Variants in ZNF827 observed in about 807,000 individuals in gnomAD.
ZNF827 encodes the protein zinc finger protein 827.
A neutral mutation model predicts 102.4 loss-of-function variants in ZNF827; 13 were observed. The ratio of observed to expected loss-of-function variants is 0.13; its 90% CI spans 0.08 to 0.20. ZNF827 has a LOEUF of 0.20. Among genes scored for constraint, ZNF827 ranks in the 10% least tolerant of loss-of-function variants. The pLI is 1.00. For missense variants in ZNF827, 1,103 were observed against 1,344.4 expected, an observed-to-expected ratio of 0.82 and a Z score of 2.81; for synonymous variants, 523 against 536.2, an observed-to-expected ratio of 0.98 and a Z score of 0.34.
At position 145,775,890 on chromosome 4, in the gene ZNF827, C is replaced by T; in HGVS notation, c.2592G>A (p.Leu864=). ...AKCRANLNQH[L]TVHSVKLVST... ...TCACCAGCTTCACGGAATGGACGGT[C>T]AAGTGCTGGTTCAGATTTGCACGGC... The change falls in exon 10 of 15, where the codon TTG becomes TTA. Residue 864 remains leucine (L), a synonymous_variant. Transcript: ENST00000508784. 7 of 1,614,156 alleles carry T rather than the reference C, an allele frequency of 4.3e-6. No homozygotes were observed. The highest frequency in any genetic ancestry group is 5.9e-6 in the Non-Finnish European group (7 of 1,180,030).
chr4:145,922,985 A>T (rs752462877), intron 1 of ZNF827, among the ~76,000 whole-genome samples: 1 of 151,948 alleles, frequency 6.6e-6, no homozygotes, highest in African/African-American at 2.4e-5. Flanking sequence ...TGATATTAAT[A>T]TTTTTTTTAT....
chr4:145,768,326 G>A (rs1417617620), intron 11 of ZNF827, among the ~76,000 whole-genome samples: 1 of 152,048 alleles, frequency 6.6e-6, no homozygotes, highest in Non-Finnish European at 1.5e-5. Flanking sequence ...CATCATGCCT[G>A]GCTAATTTTT....
chr4:145,822,380 C>A, intron 8 of ZNF827, among the ~76,000 whole-genome samples: 1 of 151,850 alleles, frequency 6.6e-6, no homozygotes, highest in Non-Finnish European at 1.5e-5. Flanking sequence ...TTCCAATGAC[C>A]TGTGATACCC....
intron 8 of ZNF827, among the ~76,000 whole-genome samples, chr4:145,792,531 TA>T (rs1739850098): frequency 1.4e-5 from 2 of 141,784 alleles, no homozygotes; most frequent in South Asian, 5.1e-4. Flanking sequence ...AATAGATATA[TA>T]ATTTTTTTTT....
At chr4:145,804,357 T>C (rs1223743918) in intron 8 of ZNF827, among the ~76,000 whole-genome samples, 3 of 152,152 alleles carry the variant, frequency 2.0e-5, no homozygotes, top group African/African-American at 7.2e-5. Context: ...CTGAAACATA[T>C]TATCTCACTC....
At chr4:145,882,341 A>G (rs1749738738) in intron 4 of ZNF827, among the ~76,000 whole-genome samples, 2 of 152,210 alleles carry the variant, frequency 1.3e-5, no homozygotes, top group African/African-American at 4.8e-5. Context: ...AAAGCTGCCC[A>G]TACTATTCCC....
chr4:145,888,876 C>T (rs35749556), intron 3 of ZNF827, among the ~76,000 whole-genome samples: 5 of 151,960 alleles, frequency 3.3e-5, no homozygotes, highest in Non-Finnish European at 5.9e-5. Context: ...CCTTCCACAG[C>T]GGGTGATAAA....
At chr4:145,801,410 T>G (rs1329003345) in intron 8 of ZNF827, among the ~76,000 whole-genome samples, 1 of 152,254 alleles carries the variant, frequency 6.6e-6, no homozygotes, top group Non-Finnish European at 1.5e-5. Flanking sequence ...TACCTTGATA[T>G]CCCCATCAGA....
intron 11 of ZNF827, among the ~76,000 whole-genome samples, chr4:145,766,983 T>C (rs543715602): frequency 6.6e-6 from 1 of 152,178 alleles, no homozygotes; most frequent in Non-Finnish European, 1.5e-5. Flanking sequence ...CAAGAGTATG[T>C]ATAGGAATAT....
chr4:145,790,631 GGTAT>G (rs1739546783), intron 8 of ZNF827, among the ~76,000 whole-genome samples: 1 of 152,094 alleles, frequency 6.6e-6, no homozygotes, highest in Admixed American at 6.5e-5. Context: ...GGAATCCACT[GGTAT>G]CCTCAATTAT....
intron 8 of ZNF827, among the ~76,000 whole-genome samples, chr4:145,812,017 C>A (rs6846946): frequency 1.3e-5 from 2 of 151,532 alleles, no homozygotes; most frequent in Non-Finnish European, 2.9e-5. Context: ...TGGGTTCAAG[C>A]GATTCTCCTG....
At chr4:145,874,277 C>G (rs1579442637) in intron 4 of ZNF827, among the ~76,000 whole-genome samples, 1 of 152,170 alleles carries the variant, frequency 6.6e-6, no homozygotes, top group East Asian at 1.9e-4. Flanking sequence ...GCACTACATA[C>G]CTGGTTTTCA....
At chr4:145,795,416 G>A (rs1314540460) in intron 8 of ZNF827, among the ~76,000 whole-genome samples, 1 of 152,224 alleles carries the variant, frequency 6.6e-6, no homozygotes, top group African/African-American at 2.4e-5. Flanking sequence ...CCAAAGTGCT[G>A]GGATTATAGG....
At chr4:145,879,875 T>C (rs963311235) in intron 4 of ZNF827, among the ~76,000 whole-genome samples, 1 of 152,194 alleles carries the variant, frequency 6.6e-6, no homozygotes, top group Non-Finnish European at 1.5e-5. Flanking sequence ...TGCTTCTTTC[T>C]GTAATTTGTG....
chr4:145,855,397 T>C (rs966620970), intron 5 of ZNF827, among the ~76,000 whole-genome samples: 2 of 152,216 alleles, frequency 1.3e-5, no homozygotes, highest in African/African-American at 2.4e-5. Context: ...CCTCCACATA[T>C]GAAATTTGAT....
intron 2 of ZNF827, among the ~76,000 whole-genome samples, 179 bp from the exon 3 acceptor site, chr4:145,892,594 C>G (rs563747954): frequency 5.3e-5 from 8 of 152,138 alleles, no homozygotes; most frequent in Admixed American, 3.3e-4. Flanking sequence ...AGGTAGAAAC[C>G]CATATTCACC....
In ZNF827 at chr4:145,760,745, GTC is replaced by G. The variant is rs1734365205; in HGVS notation, c.*869_*870del. 4.8e-6 allele frequency: 2 copies of G among 416,666 alleles called. No homozygotes were observed. The highest frequency in any genetic ancestry group is 2.8e-5 in the African/African-American group (1 of 35,178). 25.8% of individuals were successfully genotyped at this position (416,666 alleles called of 1,614,324 possible). A position where few individuals can be genotyped will look rare whatever the true frequency, so the allele number is the denominator to read the frequency against. ...GTTTTTTTTTTTTTTTTTGTCTTTT[GTC>G]TCTCTGTTTTTGGTACAGAACATGG... On this transcript the variant is annotated 3_prime_UTR_variant, in exon 15 of 15. Coordinates refer to ENST00000508784, the MANE Select transcript of ZNF827 (RefSeq NM_001306215.2).
At chr4:145,877,724 T>C (rs2126788204) in intron 4 of ZNF827, among the ~76,000 whole-genome samples, 1 of 152,294 alleles carries the variant, frequency 6.6e-6, no homozygotes, top group Non-Finnish European at 1.5e-5. Flanking sequence ...TCAAGAATTT[T>C]AAAATATATA....
intron 11 of ZNF827, among the ~76,000 whole-genome samples, chr4:145,768,097 C>A (rs1398056879): frequency 2.6e-5 from 4 of 152,114 alleles, no homozygotes; most frequent in Non-Finnish European, 5.9e-5. Flanking sequence ...AGTCTACTTG[C>A]GTGAGGTTCT....
Sources: gnomAD v4.1 joint callset for allele counts (sites outside exome capture counted in the v4.1 genomes callset) on GRCh38, gnomAD v4.1.1 for gene constraint, MANE v1.5 for transcripts, NCBI Gene and HGNC (gene_info 2026-07-23, HGNC 2026-07-21) for gene names.